The following LAMA2 variants were observed in gnomAD, a reference collection of about 807,000 sequenced individuals.
LAMA2 encodes laminin subunit alpha 2.
A neutral mutation model predicts 364.8 loss-of-function variants in LAMA2; 269 were observed. The observed-to-expected ratio is 0.74, with a 90% CI of 0.67 to 0.82. LAMA2 has a LOEUF of 0.82. Ranked by LOEUF, LAMA2 falls within the 40% of genes least tolerant of loss-of-function variation. The probability of loss-of-function intolerance (pLI) is 0.00; values close to 1 mark genes in which losing one functional copy is unlikely to be tolerated. For missense variants in LAMA2, 3,807 were observed against 3,873.2 expected (o/e 0.98, Z 0.45); for synonymous variants, 1,379 against 1,370.6 (o/e 1.01, Z -0.14).
intron 12 of LAMA2, among the ~76,000 whole-genome samples, chr6:129,224,475 TGTGG>T (rs1360705954): frequency 6.6e-6 from 1 of 152,188 alleles, no homozygotes; most frequent in Admixed American, 6.5e-5. Flanking sequence ...TGATATTGGC[TGTGG>T]GTTTGTCATA....
At chr6:129,494,738 A>G (rs1785067026) in intron 58 of LAMA2, among the ~76,000 whole-genome samples, 1 of 152,208 alleles carries the variant, frequency 6.6e-6, no homozygotes, top group Admixed American at 6.5e-5. Flanking sequence ...GATCTGCCAC[A>G]TGGATTTCAG....
intron 40 of LAMA2, among the ~76,000 whole-genome samples, chr6:129,408,434 G>A (rs1458150845): frequency 6.6e-6 from 1 of 152,196 alleles, no homozygotes; most frequent in Non-Finnish European, 1.5e-5. Flanking sequence ...TAGCTGTAAA[G>A]TGAGTGCCTT....
At chr6:129,243,449 G>A (rs1785521981) in intron 12 of LAMA2, among the ~76,000 whole-genome samples, 1 of 151,836 alleles carries the variant, frequency 6.6e-6, no homozygotes, top group Non-Finnish European at 1.5e-5. Flanking sequence ...TATTGTCTAG[G>A]CTGTATTTTA....
chr6:129,045,388 C>T (rs1258432703), intron 1 of LAMA2, among the ~76,000 whole-genome samples: 3 of 152,116 alleles, frequency 2.0e-5, no homozygotes, highest in Admixed American at 2.0e-4. Flanking sequence ...TTACCAAGGA[C>T]CAGATTTTGG....
rs563740987 is a variant in LAMA2, at chr6:128,938,579, T to C, written c.112+55222T>C. On this transcript the variant is annotated intron_variant, in intron 1 of 64. Coordinates refer to ENST00000421865, the MANE Select transcript of LAMA2 (RefSeq NM_000426.4). ...TACCACATCTGTCTCCCCTGTTGAC[T>C]ATCAATTCAATGCCTAGGTCCCATG... 1.4e-4 allele frequency among the ~76,000 whole-genome samples: 22 copies of C among 152,324 alleles called. No homozygotes were observed. In the South Asian group the frequency reaches 4.6e-3, roughly 32 times the overall value.
chr6:129,410,087 A>T (rs928834460), intron 40 of LAMA2, among the ~76,000 whole-genome samples: 1 of 152,192 alleles, frequency 6.6e-6, no homozygotes, highest in Non-Finnish European at 1.5e-5. Flanking sequence ...AGTGCTTTTC[A>T]ATCAGGTATA....
intron 51 of LAMA2, among the ~76,000 whole-genome samples, chr6:129,472,543 T>G (rs1458958349): frequency 6.6e-6 from 1 of 151,924 alleles, no homozygotes; most frequent in Non-Finnish European, 1.5e-5. Context: ...TTTCCTTTTT[T>G]CCATCTATTT....
intron 16 of LAMA2, 150 bp from the exon 17 acceptor site, chr6:129,270,474 G>A (rs1309422173): frequency 1.4e-6 from 1 of 714,380 alleles, no homozygotes. Context: ...AACTTTCAAT[G>A]CTATTTCTCT....
chr6:129,423,442 T>TC (rs1283380531), intron 40 of LAMA2, among the ~76,000 whole-genome samples: 1 of 152,010 alleles, frequency 6.6e-6, no homozygotes, highest in Non-Finnish European at 1.5e-5. Flanking sequence ...GTAACCCTAG[T>TC]GCTTTAGGAG....
intron 4 of LAMA2, among the ~76,000 whole-genome samples, chr6:129,123,138 A>G (rs1264914205): frequency 3.3e-5 from 5 of 151,976 alleles, no homozygotes; most frequent in Non-Finnish European, 7.4e-5. Context: ...CCCTGTCTCT[A>G]CTAAAAAACA....
chr6:129,365,360 A>T (rs923468921), intron 32 of LAMA2, among the ~76,000 whole-genome samples: 1 of 152,028 alleles, frequency 6.6e-6, no homozygotes, highest in Non-Finnish European at 1.5e-5. Flanking sequence ...TTTTATTTTG[A>T]CTTTTTATTT....
chr6:129,464,384 A>T lies in LAMA2; in HGVS notation c.7087A>T (p.Thr2363Ser). 1 of 1,611,888 alleles carries T rather than the reference A, an allele frequency of 6.2e-7. No homozygotes were observed. The highest frequency in any genetic ancestry group is 1.7e-5 in the Admixed American group (1 of 59,888). Residue 2363 changes from threonine (T) to serine (S), a missense_variant, in exon 50 of 65, where the codon ACT becomes TCT. By Grantham distance (58) the Thr-to-Ser change is moderately conservative (BLOSUM62 1). Around this residue, in one of 3 missense-constraint regions of LAMA2, gnomAD observed 3,333 missense variants for 3,345.7 expected, o/e 1.00. Coordinates refer to ENST00000421865, the MANE Select transcript of LAMA2 (RefSeq NM_000426.4). ...RPIRWYPNIS[T>S]VMFKFRTFSS... ...CATTCGCTGGTACCCCAACATCTCC[A>T]CTGTCATGTTCAAGTTCAGAACATT...
chr6:129,093,016 A>G (rs1455120956), intron 3 of LAMA2, among the ~76,000 whole-genome samples: 3 of 152,020 alleles, frequency 2.0e-5, no homozygotes, highest in African/African-American at 7.3e-5. Flanking sequence ...AGGATCTGGG[A>G]TACAATGGGT....
At chr6:129,138,005 G>A (rs1421382508) in intron 4 of LAMA2, among the ~76,000 whole-genome samples, 2 of 151,970 alleles carry the variant, frequency 1.3e-5, no homozygotes, top group Admixed American at 6.6e-5. Flanking sequence ...ACACAGCTGA[G>A]ATTTTAAAGA....
chr6:129,451,419 C>T (rs56016234), intron 45 of LAMA2, among the ~76,000 whole-genome samples: 2,081 of 152,164 alleles, frequency 0.014, 55 homozygotes, highest in African/African-American at 0.048. Context: ...TTGGGGAAGG[C>T]AAGAATAAGA....
intron 1 of LAMA2, among the ~76,000 whole-genome samples, chr6:128,958,045 C>T (rs1205603032): frequency 6.6e-6 from 1 of 151,830 alleles, no homozygotes; most frequent in Non-Finnish European, 1.5e-5. Flanking sequence ...CCATTTATTG[C>T]TCTTTAAAGA....
chr6:129,421,555 T>C (rs1022396082), intron 40 of LAMA2, among the ~76,000 whole-genome samples: 1 of 152,146 alleles, frequency 6.6e-6, no homozygotes, highest in Non-Finnish European at 1.5e-5. Flanking sequence ...TCACCTGTCC[T>C]GATATTGTTG....
At chr6:129,322,970 A>G (rs999774253) in intron 28 of LAMA2, among the ~76,000 whole-genome samples, 5 of 152,246 alleles carry the variant, frequency 3.3e-5, no homozygotes, top group Non-Finnish European at 5.9e-5. Flanking sequence ...ACAAATTGTC[A>G]TCTGCATTAG....
chr6:129,516,103 T>G lies in LAMA2; in HGVS notation c.9212-87T>G. On this transcript the variant is annotated intron_variant, in intron 64 of 64. Coordinates refer to ENST00000421865, the MANE Select transcript of LAMA2 (RefSeq NM_000426.4). ...CATAAAACAGCATTCCAATTTAATC[T>G]CAAGCTAACAGTTGACTTTGAAACA... 1.3e-5 allele frequency: 18 copies of G among 1,420,640 alleles called. No individual in the cohort carries two copies. The South Asian group carries it at 1.8e-4, about 15-fold the overall frequency. 88.0% of individuals were successfully genotyped at this position (1,420,640 alleles called of 1,614,324 possible).
Sources: allele counts gnomAD v4.1 joint callset (sites outside exome capture counted in the v4.1 genomes callset), GRCh38; gene constraint gnomAD v4.1.1; regional missense constraint gnomAD v4.1.1; transcripts MANE v1.5; gene names NCBI Gene and HGNC (gene_info 2026-07-23, HGNC 2026-07-21).